The following ECT2L variants were observed in gnomAD, a reference collection of about 807,000 sequenced individuals.
ECT2L encodes epithelial cell-transforming sequence 2 oncogene-like.
In ECT2L, 126 loss-of-function variants were observed where a neutral mutation model predicts 122.8. The observed-to-expected ratio is 1.03, with a 90% CI of 0.89 to 1.19. The LOEUF (loss-of-function observed/expected upper bound fraction) is 1.19, where lower values mean the gene tolerates loss of function less well. ECT2L is among the 50% of genes most tolerant of loss of function. ECT2L has a pLI of 0.00. For missense variants in ECT2L, 1,012 were observed against 1,064.1 expected (o/e 0.95, Z 0.68); for synonymous variants, 385 against 381.8 (o/e 1.01, Z -0.10).
chr6:138,845,537 C>A (rs1407727176), intron 7 of ECT2L, among the ~76,000 whole-genome samples: 1 of 152,124 alleles, frequency 6.6e-6, no homozygotes, highest in Admixed American at 6.5e-5. Flanking sequence ...AGCCAGCATG[C>A]CCAGCCAACT....
chr6:138,845,698 C>G (rs182697692), intron 7 of ECT2L, among the ~76,000 whole-genome samples: 3 of 152,226 alleles, frequency 2.0e-5, no homozygotes, highest in South Asian at 4.1e-4. Flanking sequence ...ACTTCACCCA[C>G]TGATGCTACA....
intron 1 of ECT2L, among the ~76,000 whole-genome samples, chr6:138,796,782 A>T (rs573718376): frequency 7.9e-5 from 12 of 152,362 alleles, no homozygotes; most frequent in African/African-American, 2.9e-4. Flanking sequence ...TAAACTTTGC[A>T]TATGTATCAG....
intron 20 of ECT2L, among the ~76,000 whole-genome samples, chr6:138,890,859 T>G (rs572070382): frequency 6.6e-6 from 1 of 152,296 alleles, no homozygotes; most frequent in East Asian, 1.9e-4. Flanking sequence ...GTTTTTTCTT[T>G]TAACACTTTC....
chr6:138,799,060 G>A (rs1389736141), intron 1 of ECT2L, among the ~76,000 whole-genome samples: 1 of 152,194 alleles, frequency 6.6e-6, no homozygotes, highest in African/African-American at 2.4e-5. Context: ...CTCTGAATCT[G>A]CTGTGATTCT....
rs537853171 is a variant in ECT2L, at chr6:138,805,429, A to G, written c.-243-7409A>G. Among the ~76,000 whole-genome samples, 13 of 152,362 alleles carry G rather than the reference A, an allele frequency of 8.5e-5. 1 individual carries two copies. The South Asian group carries it at 2.1e-3, about 24-fold the overall frequency. On this transcript the variant is annotated intron_variant, in intron 1 of 21. Transcript: ENST00000541398. ...GTGTGAGAGCTCTGGATGCTCACCAACACATGGCTTTGTCAGTCTGTTCTG... is the reference window on the plus strand; with the variant it reads ...GTGTGAGAGCTCTGGATGCTCACCAGCACATGGCTTTGTCAGTCTGTTCTG...
chr6:138,848,306 A>C (rs1019393675), intron 8 of ECT2L, among the ~76,000 whole-genome samples: 1 of 152,176 alleles, frequency 6.6e-6, no homozygotes, highest in African/African-American at 2.4e-5. Context: ...TTACTTTAAA[A>C]CTTCTCTGAA....
At position 138,824,962 on chromosome 6, in the gene ECT2L, G is replaced by A. The variant is rs113483287; in HGVS notation, c.179+10359G>A. ...ACACAGGAAGTCAAACTGCAATTAG[G>A]CAGCAACAGTATGTGTGTGTGCATG... On this transcript the variant is annotated intron_variant, in intron 4 of 21. Transcript: ENST00000541398. 1.9e-3 allele frequency among the ~76,000 whole-genome samples: 290 copies of A among 152,250 alleles called. 1 individual carries two copies. The Middle Eastern group carries it at 0.02, about 11-fold the overall frequency.
chr6:138,864,277 G>A (rs932520012), intron 11 of ECT2L, among the ~76,000 whole-genome samples: 6 of 152,118 alleles, frequency 3.9e-5, no homozygotes, highest in South Asian at 2.1e-4. Context: ...AGCTGAGGTC[G>A]TGCCACCATA....
chr6:138,901,828 T>C (rs887116351), intron 21 of ECT2L, among the ~76,000 whole-genome samples: 59 of 152,354 alleles, frequency 3.9e-4, no homozygotes, highest in African/African-American at 1.1e-3. Context: ...AGACAGGACT[T>C]TGGTTAAAGT....
intron 13 of ECT2L, among the ~76,000 whole-genome samples, chr6:138,874,524 C>G (rs1290542767): frequency 2.0e-5 from 3 of 152,154 alleles, no homozygotes; most frequent in African/African-American, 7.2e-5. Flanking sequence ...AAGTAAGTTG[C>G]TGCTGAGCCG....
rs764258388 is a variant in ECT2L, at chr6:138,902,864, T to C, written c.*237T>C. ...TGAACTACTTCTTTTGGTAGCTGTA[T>C]TTCATGGATAATATTATTTAGAGTA... is the stretch of plus-strand genomic sequence containing the variant. On this transcript the variant is annotated 3_prime_UTR_variant, in exon 22 of 22. Transcript: ENST00000541398. 9 of 427,690 alleles carry C rather than the reference T, an allele frequency of 2.1e-5. No individual in the cohort carries two copies. The highest frequency in any genetic ancestry group is 3.4e-5 in the Non-Finnish European group (8 of 238,016). 26.5% of individuals were successfully genotyped at this position (427,690 alleles called of 1,614,324 possible). A position where few individuals can be genotyped will look rare whatever the true frequency, so the allele number is the denominator to read the frequency against.
chr6:138,824,185 A>T (rs561561406), intron 4 of ECT2L, among the ~76,000 whole-genome samples: 246 of 152,112 alleles, frequency 1.6e-3, no homozygotes, highest in African/African-American at 5.5e-3. Context: ...TGGTTTTGAC[A>T]TTATAGTATA....
chr6:138,837,144 T>C (rs1303523102), intron 4 of ECT2L, among the ~76,000 whole-genome samples: 1 of 152,216 alleles, frequency 6.6e-6, no homozygotes, highest in African/African-American at 2.4e-5. Context: ...CATTCATTTA[T>C]ATACATATTT....
chr6:138,900,678 G>A (rs928326025), intron 20 of ECT2L, among the ~76,000 whole-genome samples: 4 of 152,078 alleles, frequency 2.6e-5, no homozygotes, highest in African/African-American at 4.8e-5. Flanking sequence ...CATTTTTCCC[G>A]CAAGGATTAT....
At chr6:138,879,470 A>G (rs765896330) in intron 14 of ECT2L, 3 of 152,216 alleles carry the variant, frequency 2.0e-5, no homozygotes, top group Non-Finnish European at 4.4e-5. Flanking sequence ...TGTTTTTGAA[A>G]TTTAGATATT....
rs191933079 is a variant in ECT2L at position 138,886,848 on chromosome 6, T to C, written c.2260-9T>C. On this transcript the variant is annotated splice_polypyrimidine_tract_variant and intron_variant, in intron 18 of 21. Transcript: ENST00000541398. The stretch of plus-strand genomic sequence containing the variant: ...TTTAGTTTGCCTAAAAGTACTTTTT[T>C]TCCCCTAGATGAAGCAAAACATCAC... 2.5e-6 allele frequency: 4 copies of C among 1,611,326 alleles called. No individual in the cohort carries two copies. Among genetic ancestry groups the C allele is most frequent in the East Asian group, 4.5e-5 (2 of 44,860 alleles).
intron 4 of ECT2L, among the ~76,000 whole-genome samples, chr6:138,828,764 A>G (rs181262034): frequency 2.5e-4 from 38 of 152,310 alleles, no homozygotes; most frequent in Non-Finnish European, 5.1e-4. Context: ...TTTTCTAACC[A>G]ATAGCTTGGA....
chr6:138,829,778 A>T (rs1353532606), intron 4 of ECT2L, among the ~76,000 whole-genome samples: 1 of 151,190 alleles, frequency 6.6e-6, no homozygotes, highest in Non-Finnish European at 1.5e-5. Flanking sequence ...GCTGGAGTGC[A>T]GTGGCACGAT....
At chr6:138,828,516 TC>T (rs1776537634) in intron 4 of ECT2L, among the ~76,000 whole-genome samples, 1 of 152,214 alleles carries the variant, frequency 6.6e-6, no homozygotes, top group Non-Finnish European at 1.5e-5. Context: ...GTTTTATTCT[TC>T]CTTCAGAAGC....
Sources: allele counts gnomAD v4.1 joint callset (sites outside exome capture counted in the v4.1 genomes callset), GRCh38; gene constraint gnomAD v4.1.1; transcripts MANE v1.5; gene names NCBI Gene and HGNC (gene_info 2026-07-23, HGNC 2026-07-21).